UVRAG: variants seen among roughly 807,000 people sequenced by gnomAD.
UVRAG encodes the protein UV radiation resistance associated.
UVRAG carries 19 observed loss-of-function variants against 78.0 expected under a neutral mutation model. The observed-to-expected ratio is 0.24, with a 90% confidence interval of 0.17 to 0.36. The LOEUF is 0.36. Among genes scored for constraint, UVRAG ranks in the 10% least tolerant of loss-of-function variants. The probability of loss-of-function intolerance (pLI) is 1.00; values close to 1 mark genes in which losing one functional copy is unlikely to be tolerated. For synonymous variants in UVRAG, 323 were observed against 324.6 expected, an observed-to-expected ratio of 1.00 and a Z score of 0.05; for missense variants, 740 against 853.8, an observed-to-expected ratio of 0.87 and a Z score of 1.66.
chr11:75,828,364 C>T (rs778716396), intron 1 of UVRAG, among the ~76,000 whole-genome samples: 20 of 151,052 alleles, frequency 1.3e-4, no homozygotes, highest in Non-Finnish European at 2.8e-4. Flanking sequence ...TCCTAGCCTA[C>T]CTGGGAGGCT....
intron 6 of UVRAG, among the ~76,000 whole-genome samples, chr11:75,949,464 G>C (rs1948642526): frequency 6.6e-6 from 1 of 151,976 alleles, no homozygotes; most frequent in Non-Finnish European, 1.5e-5. Flanking sequence ...CTCTGGCCAA[G>C]ATCTGTCTCC....
At chr11:76,110,805 C>G (rs1952054888) in intron 13 of UVRAG, among the ~76,000 whole-genome samples, 1 of 152,000 alleles carries the variant, frequency 6.6e-6, no homozygotes, top group African/African-American at 2.4e-5. Flanking sequence ...GAGTTGTTAG[C>G]CAGTATTGAA....
intron 12 of UVRAG, among the ~76,000 whole-genome samples, chr11:76,053,516 CTATT>C (rs1025581390): frequency 1.3e-4 from 20 of 152,228 alleles, no homozygotes; most frequent in African/African-American, 4.1e-4. Context: ...TCCCACATAT[CTATT>C]CACATATCTT....
intron 5 of UVRAG, among the ~76,000 whole-genome samples, chr11:75,896,402 A>G (rs1947345298): frequency 6.6e-6 from 1 of 152,272 alleles, no homozygotes; most frequent in African/African-American, 2.4e-5. Flanking sequence ...CCTTTATTTC[A>G]TTTTGGTGAC....
intron 2 of UVRAG, 145 bp from the exon 3 acceptor site, chr11:75,861,601 G>C (rs1479370198): frequency 2.1e-6 from 1 of 467,454 alleles, no homozygotes; most frequent in Non-Finnish European, 3.7e-6. Flanking sequence ...TTTTTTAACA[G>C]ATAAAGATAT....
intron 5 of UVRAG, among the ~76,000 whole-genome samples, chr11:75,905,549 A>G (rs572969284): frequency 1.2e-4 from 18 of 152,118 alleles, no homozygotes; most frequent in African/African-American, 4.3e-4. Flanking sequence ...GTAGTATGTG[A>G]CCTTTTGTTC....
At chr11:76,136,561 TGCA>T (rs1433099704) in intron 14 of UVRAG, among the ~76,000 whole-genome samples, 1 of 151,100 alleles carries the variant, frequency 6.6e-6, no homozygotes, top group African/African-American at 2.4e-5. Context: ...CAGGCTAAAG[TGCA>T]GTGGTATGAT....
intron 1 of UVRAG, among the ~76,000 whole-genome samples, chr11:75,826,357 A>G (rs923253454): frequency 6.6e-6 from 1 of 151,262 alleles, no homozygotes; most frequent in Non-Finnish European, 1.5e-5. Flanking sequence ...GGGTTTTACC[A>G]TGTTGGCCAG....
At chr11:75,954,023 C>CT (rs1948750504) in intron 6 of UVRAG, among the ~76,000 whole-genome samples, 1 of 152,110 alleles carries the variant, frequency 6.6e-6, no homozygotes, top group African/African-American at 2.4e-5. Flanking sequence ...GCAGTTGTTT[C>CT]TTTTTTAGTT....
At chr11:75,984,241 G>A (rs543318439) in intron 8 of UVRAG, among the ~76,000 whole-genome samples, 9 of 152,272 alleles carry the variant, frequency 5.9e-5, no homozygotes, top group African/African-American at 1.7e-4. Context: ...TCATGAGGGT[G>A]AACAACCGGT....
chr11:76,132,880 C>T (rs114701565), intron 14 of UVRAG, among the ~76,000 whole-genome samples: 138 of 152,204 alleles, frequency 9.1e-4, no homozygotes, highest in Middle Eastern at 3.4e-3. Flanking sequence ...GTTTTGGTGA[C>T]AACAAAAAAC....
chr11:76,017,847 A>G (rs1383290820), intron 12 of UVRAG, among the ~76,000 whole-genome samples: 1 of 152,294 alleles, frequency 6.6e-6, no homozygotes, highest in East Asian at 1.9e-4. Flanking sequence ...AAAACTGAGA[A>G]AATATATCGC....
chr11:76,033,879 A>C (rs1457137385), intron 12 of UVRAG, among the ~76,000 whole-genome samples: 1 of 152,176 alleles, frequency 6.6e-6, no homozygotes, highest in Non-Finnish European at 1.5e-5. Flanking sequence ...AGAAACTCTC[A>C]TCCTTTGCTT....
chr11:76,091,176 A>T (rs1031701671), intron 13 of UVRAG, among the ~76,000 whole-genome samples: 2 of 152,224 alleles, frequency 1.3e-5, no homozygotes, highest in Non-Finnish European at 2.9e-5. Flanking sequence ...AAGATTTTGA[A>T]ATCATTGTTC....
At chr11:76,083,527 C>T (rs1447953048) in intron 13 of UVRAG, among the ~76,000 whole-genome samples, 1 of 152,088 alleles carries the variant, frequency 6.6e-6, no homozygotes, top group Non-Finnish European at 1.5e-5. Context: ...ATAGGTCAAG[C>T]CCCTGCACTG....
intron 6 of UVRAG, among the ~76,000 whole-genome samples, chr11:75,924,458 T>C (rs1298774181): frequency 1.3e-5 from 2 of 152,016 alleles, no homozygotes; most frequent in African/African-American, 4.8e-5. Context: ...TGATCTTGGC[T>C]CACTGCAAGC....
At chr11:75,886,974 T>G (rs541441899) in intron 4 of UVRAG, among the ~76,000 whole-genome samples, 1 of 151,994 alleles carries the variant, frequency 6.6e-6, no homozygotes, top group African/African-American at 2.4e-5. Flanking sequence ...TAATTTTGTT[T>G]TTTTTTTTTG....
chr11:76,067,504 C>G (rs184333534), intron 13 of UVRAG, among the ~76,000 whole-genome samples: 177 of 152,260 alleles, frequency 1.2e-3, no homozygotes, highest in African/African-American at 4.0e-3. Context: ...TGCCTGTAAT[C>G]CCGGTACTTT....
At chr11:75,865,590 A>G (rs1946520096) in intron 3 of UVRAG, among the ~76,000 whole-genome samples, 1 of 151,732 alleles carries the variant, frequency 6.6e-6, no homozygotes, top group South Asian at 2.1e-4. Context: ...ATTAGACAGC[A>G]CAGTTCTAGA....
Sources: gnomAD v4.1 joint callset for allele counts (sites outside exome capture counted in the v4.1 genomes callset) on GRCh38, gnomAD v4.1.1 for gene constraint, MANE v1.5 for transcripts, NCBI Gene and HGNC (gene_info 2026-07-23, HGNC 2026-07-21) for gene names.